Variants in NBAS observed in about 807,000 individuals in gnomAD.
The protein encoded by NBAS is NBAS subunit of NRZ tethering complex, also known as NAG/BC035112 fusion.
Under a neutral mutation model 302.5 loss-of-function variants are expected in NBAS, and 219 were observed. The observed-to-expected ratio is 0.72, with a 90% CI of 0.65 to 0.81. The LOEUF (loss-of-function observed/expected upper bound fraction) is 0.81, where lower values mean the gene tolerates loss of function less well. NBAS is among the 30% of genes least tolerant of loss of function. NBAS has a pLI of 0.00. For synonymous variants in NBAS, 1,118 were observed against 1,021.6 expected, an observed-to-expected ratio of 1.09 and a Z score of -1.80; for missense variants, 2,932 against 2,841.6, an observed-to-expected ratio of 1.03 and a Z score of -0.72.
chr2:14,878,973 C>T, the NBAS span, among the ~76,000 whole-genome samples: 2 of 152,184 alleles, frequency 1.3e-5, no homozygotes, highest in Non-Finnish European at 2.9e-5. Context: ...AGCATTCCCA[C>T]GAACCCCTAG....
the NBAS span, among the ~76,000 whole-genome samples, chr2:15,078,429 G>T: frequency 6.6e-6 from 1 of 152,202 alleles, no homozygotes; most frequent in African/African-American, 2.4e-5. Context: ...CTTTCTTCGA[G>T]AAAGTTCAAA....
chr2:15,227,582 A>C (rs887343441), intron 47 of NBAS, among the ~76,000 whole-genome samples: 1 of 152,212 alleles, frequency 6.6e-6, no homozygotes, highest in African/African-American at 2.4e-5. Context: ...TTGACCTCAA[A>C]ATATACAACA....
the NBAS span, among the ~76,000 whole-genome samples, chr2:14,997,565 T>C: frequency 6.6e-6 from 1 of 152,084 alleles, no homozygotes. Context: ...TACTGTGAAA[T>C]GGTTATCACA....
rs1290482108 is a variant in NBAS, at chr2:15,545,961, T to C, written c.379+5532A>G. 2.0e-5 allele frequency among the ~76,000 whole-genome samples: 3 copies of C among 152,220 alleles called. No individual in the cohort carries two copies. The East Asian group carries it at 5.8e-4, about 29-fold the overall frequency. On this transcript the variant is annotated intron_variant, in intron 6 of 51. Transcript: ENST00000281513. Reference sequence around the variant, plus strand: ...TGGTGGAATCAAATACAATATCTAGTGGCTTGCTGCTCAGAGATCAAGTTT... The same window carrying C: ...TGGTGGAATCAAATACAATATCTAGCGGCTTGCTGCTCAGAGATCAAGTTT...
At chr2:15,449,074 G>A (rs553872275) in intron 21 of NBAS, among the ~76,000 whole-genome samples, 1 of 152,170 alleles carries the variant, frequency 6.6e-6, no homozygotes, top group Non-Finnish European at 1.5e-5. Flanking sequence ...TCTGAGTCTA[G>A]TAATAGCATC....
chr2:15,182,871 G>A (rs560990616), intron 50 of NBAS, among the ~76,000 whole-genome samples: 17 of 152,264 alleles, frequency 1.1e-4, no homozygotes, highest in Admixed American at 6.5e-4. Flanking sequence ...CAGGAGTCAC[G>A]AAGGCATTCT....
At chr2:14,814,143 G>T in the NBAS span, among the ~76,000 whole-genome samples, 2 of 152,186 alleles carry the variant, frequency 1.3e-5, no homozygotes, top group African/African-American at 2.4e-5. Context: ...TCTGCTGCAG[G>T]GGCACAGCCC....
chr2:14,883,169 G>T, the NBAS span, among the ~76,000 whole-genome samples: 3 of 152,250 alleles, frequency 2.0e-5, no homozygotes, highest in South Asian at 6.2e-4. Flanking sequence ...TTGGGATAAA[G>T]AAAATGAAAA....
intron 48 of NBAS, among the ~76,000 whole-genome samples, chr2:15,190,928 C>A (rs866051011): frequency 6.6e-6 from 1 of 152,188 alleles, no homozygotes; most frequent in Non-Finnish European, 1.5e-5. Flanking sequence ...ATTTATACCT[C>A]CATTTCGAAT....
At chr2:15,150,624 T>C in the NBAS span, among the ~76,000 whole-genome samples, 26 of 152,350 alleles carry the variant, frequency 1.7e-4, no homozygotes, top group East Asian at 2.3e-3. Context: ...TCTGTCATCA[T>C]GAAAACTTTG....
the NBAS span, among the ~76,000 whole-genome samples, chr2:15,057,182 C>A: frequency 9.9e-5 from 15 of 152,066 alleles, no homozygotes; most frequent in African/African-American, 3.6e-4. Context: ...CCTGTGGCCT[C>A]AGCCTGGCTG....
chr2:15,056,800 A>G, the NBAS span, among the ~76,000 whole-genome samples: 3 of 148,462 alleles, frequency 2.0e-5, no homozygotes. Flanking sequence ...GGGACCAAAG[A>G]CCCAGCCCTA....
At chr2:15,193,271 C>G (rs977701200) in intron 48 of NBAS, among the ~76,000 whole-genome samples, 1 of 152,212 alleles carries the variant, frequency 6.6e-6, no homozygotes, top group African/African-American at 2.4e-5. Context: ...AATACAGTAA[C>G]TTACATACTT....
intron 51 of NBAS, among the ~76,000 whole-genome samples, chr2:15,169,998 T>C (rs1428291847): frequency 6.6e-6 from 1 of 152,222 alleles, no homozygotes; most frequent in African/African-American, 2.4e-5. Context: ...ACATGTTTGA[T>C]AAGATGCACA....
intron 35 of NBAS, among the ~76,000 whole-genome samples, chr2:15,341,048 T>C (rs1672825317): frequency 6.6e-6 from 1 of 152,166 alleles, no homozygotes. Flanking sequence ...TGGTACATTT[T>C]AGACCCTACA....
At chr2:15,457,767 A>G (rs1236896159) in intron 21 of NBAS, among the ~76,000 whole-genome samples, 1 of 152,234 alleles carries the variant, frequency 6.6e-6, no homozygotes, top group Non-Finnish European at 1.5e-5. Context: ...CTGAAAATGA[A>G]TATCAAGTAT....
the NBAS span, among the ~76,000 whole-genome samples, chr2:14,813,604 A>G: frequency 1.3e-5 from 2 of 152,322 alleles, no homozygotes; most frequent in Non-Finnish European, 2.9e-5. Context: ...TCTCACATGC[A>G]TGAACAAAAA....
intron 38 of NBAS, among the ~76,000 whole-genome samples, chr2:15,325,123 G>A (rs955879886): frequency 6.6e-6 from 1 of 152,062 alleles, no homozygotes; most frequent in Non-Finnish European, 1.5e-5. Flanking sequence ...CCATTATTTT[G>A]CCTTTTTGTA....
chr2:15,189,336 T>G (rs1017410990), intron 49 of NBAS, among the ~76,000 whole-genome samples: 2 of 152,316 alleles, frequency 1.3e-5, no homozygotes, highest in African/African-American at 4.8e-5. Flanking sequence ...CATGGAATCT[T>G]TTCCAGATAT....
Sources: gnomAD v4.1 joint callset for allele counts (sites outside exome capture counted in the v4.1 genomes callset) on GRCh38, gnomAD v4.1.1 for gene constraint, MANE v1.5 for transcripts, NCBI Gene and HGNC (gene_info 2026-07-23, HGNC 2026-07-21) for gene names.